Variants in PROCA1 observed in about 807,000 individuals in gnomAD.
The protein encoded by PROCA1 is protein PROCA1.
In PROCA1, 22 loss-of-function variants were observed where a neutral mutation model predicts 23.2. The ratio of observed to expected loss-of-function variants is 0.95; its 90% confidence interval spans 0.68 to 1.35. The LOEUF (loss-of-function observed/expected upper bound fraction) is 1.35. Among genes scored for constraint, PROCA1 ranks in the 40% most tolerant of loss-of-function variants. The probability of loss-of-function intolerance (pLI) is 0.00; values close to 1 mark genes in which losing one functional copy is unlikely to be tolerated. For missense variants in PROCA1, 469 were observed against 459.8 expected, an observed-to-expected ratio of 1.02 and a Z score of -0.18; for synonymous variants, 182 against 179.2, an observed-to-expected ratio of 1.02 and a Z score of -0.12.
At chr17:28,708,743 A>C (rs1017367369) in intron 1 of PROCA1, among the ~76,000 whole-genome samples, 9 of 151,894 alleles carry the variant, frequency 5.9e-5, no homozygotes, top group African/African-American at 9.7e-5. Flanking sequence ...AAAAAAAAAA[A>C]AAACGACATT....
Position 28,710,506 on chromosome 17 carries a change from CAAAAAA to C in PROCA1, c.91+1058_91+1063del, listed in dbSNP as rs71278535. ...TGGGCGACAGAGCGAGATTCCATCT[CAAAAAA>C]AAAAAAAAAAAAAAAAAGCACACAT... On this transcript the variant is annotated intron_variant, in intron 1 of 4. Transcript: ENST00000682792. Among the ~76,000 whole-genome samples the C allele has an allele frequency of 1.7e-3, 51 of 30,746 alleles. No homozygotes were observed. The East Asian group carries it at 0.044, about 26-fold the overall frequency. 20.2% of individuals were successfully genotyped at this position (30,746 alleles called of 152,430 possible). A position where few individuals can be genotyped will look rare whatever the true frequency, so the allele number is the denominator to read the frequency against.
chr17:28,704,224 G>C lies in PROCA1; in HGVS notation c.441-12C>G. On this transcript the variant is annotated splice_polypyrimidine_tract_variant and intron_variant, in intron 4 of 4. Coordinates refer to ENST00000682792, the MANE Select transcript of PROCA1 (RefSeq NM_001366301.1). ...TGTAGCTTTTGCACCTGGGAGAAGG[G>C]ACAACGGGGGAAGTTTGACAGAGAG... 3 of 1,554,604 alleles carry C rather than the reference G, an allele frequency of 1.9e-6. No individual in the cohort carries two copies. The highest frequency in any genetic ancestry group is 2.6e-6 in the Non-Finnish European group (3 of 1,151,676).
intron 1 of PROCA1, among the ~76,000 whole-genome samples, chr17:28,709,791 G>GT (rs1253005112): frequency 6.6e-6 from 1 of 151,314 alleles, no homozygotes; most frequent in Non-Finnish European, 1.5e-5. Flanking sequence ...GAGGTCCGGA[G>GT]TTTGAGACCA....
At chr17:28,706,846 CAT>C (rs991680873) in intron 1 of PROCA1, 83 bp from the exon 2 acceptor site, 70 of 1,271,272 alleles carry the variant, frequency 5.5e-5, no homozygotes, top group Non-Finnish European at 6.4e-5. Flanking sequence ...AGAAACTCCA[CAT>C]GTCAGGCCCT....
At chr17:28,704,569 G>A in intron 3 of PROCA1, 134 bp from the exon 4 acceptor site, 1 of 1,552,082 alleles carries the variant, frequency 6.4e-7, no homozygotes, top group Non-Finnish European at 8.7e-7. Flanking sequence ...TCTTAGAGCA[G>A]AGCAAGGTGT....
At chr17:28,710,702 G>A (rs917830655) in intron 1 of PROCA1, among the ~76,000 whole-genome samples, 2 of 152,086 alleles carry the variant, frequency 1.3e-5, no homozygotes, top group East Asian at 1.9e-4. Flanking sequence ...AGTTCCAGAG[G>A]ACAGGAGGAG....
At chr17:28,707,375 C>A (rs1444451403) in intron 1 of PROCA1, 1 of 152,690 alleles carries the variant, frequency 6.5e-6, no homozygotes, top group Non-Finnish European at 1.5e-5. Context: ...TTCAGTGGCA[C>A]TTGGTCATCC....
rs758546210 is a variant in PROCA1, at chr17:28,704,274, C to T, written c.440+33G>A. 8 of 1,594,628 alleles carry T rather than the reference C, an allele frequency of 5.0e-6. No homozygotes were observed. In the East Asian group the frequency reaches 1.6e-4, roughly 31 times the overall value. On this transcript the variant is annotated intron_variant, in intron 4 of 4. Coordinates refer to ENST00000682792, the MANE Select transcript of PROCA1 (RefSeq NM_001366301.1). Reference sequence around the variant, plus strand: ...GTGGGGGGCAGTGCCCTGTAGAGGCCCCTTCCCCATCAGCCCACCGGGGCT... The same window carrying T: ...GTGGGGGGCAGTGCCCTGTAGAGGCTCCTTCCCCATCAGCCCACCGGGGCT...
rs1261677291 is a variant in PROCA1 at position 28,711,409 on chromosome 17, CTCCGCCCCGGCCCTAG to C, written c.91+145_91+160del. On this transcript the variant is annotated intron_variant, in intron 1 of 4. Coordinates refer to ENST00000682792, the MANE Select transcript of PROCA1 (RefSeq NM_001366301.1). ...GACGCGAGCCCGCCCCCGGCCCTAGCTCCGCCCCGGCCCTAGCTCCGCCCCGGCCCAGCACTGGGCC... is the reference window on the plus strand; with the variant it reads ...GACGCGAGCCCGCCCCCGGCCCTAGCCTCCGCCCCGGCCCAGCACTGGGCC... 14 of 515,922 alleles carry C rather than the reference CTCCGCCCCGGCCCTAG, an allele frequency of 2.7e-5. No individual in the cohort carries two copies. The African/African-American group carries it at 3.3e-4, about 12-fold the overall frequency. The allele number at this position is 515,922 out of a possible 1,614,324, so 32.0% of individuals were successfully genotyped here. A position where few individuals can be genotyped will look rare whatever the true frequency, so the allele number is the denominator to read the frequency against.
At chr17:28,710,750 G>A (rs1286198620) in intron 1 of PROCA1, 10 of 1,295,218 alleles carry the variant, frequency 7.7e-6, no homozygotes, top group African/African-American at 1.5e-5. Flanking sequence ...CCTGCAGCAG[G>A]AGTGACTGAC....
chr17:28,708,855 C>T (rs758875935), intron 1 of PROCA1, among the ~76,000 whole-genome samples: 1 of 151,764 alleles, frequency 6.6e-6, no homozygotes, highest in Non-Finnish European at 1.5e-5. Flanking sequence ...AATTAGCTGG[C>T]TTAGTGGTGC....
Position 28,704,318 on chromosome 17 carries a change from G to C in PROCA1, c.429C>G (p.Phe143Leu), listed in dbSNP as rs1255191357. 6.2e-7 allele frequency: 1 copy of C among 1,613,414 alleles called. No individual in the cohort carries two copies. Among genetic ancestry groups the C allele is most frequent in the Non-Finnish European group, 8.5e-7 (1 of 1,179,612 alleles). The change falls in exon 4 of 5, where the codon TTC (phenylalanine) becomes TTG (leucine). Residue 143 changes from phenylalanine (F) to leucine (L), a missense_variant. Phe to Leu is a conservative substitution (Grantham distance 22). Coordinates refer to ENST00000682792, the MANE Select transcript of PROCA1 (RefSeq NM_001366301.1). ...LTPEEEHVER[F>L]RYGWCKSYRP... is the part of the protein sequence containing the mutation. ...CGGGGCTCACTCACCAGCCATACCG[G>C]AATCGCTCCACATGCTCCTCCTCCG...
rs960230823 is a variant in PROCA1, at chr17:28,704,777, G to C, written c.242C>G (p.Pro81Arg). ...GTGGCGGACACAGTCAGAGGCGAAAGGGTAGATGATGTGCCCAGTGCACTG... is the reference window on the plus strand; with the variant it reads ...GTGGCGGACACAGTCAGAGGCGAAACGGTAGATGATGTGCCCAGTGCACTG... ...HKQCTGHIIYPFASDCVRHSL... is the reference protein window; with the variant it reads ...HKQCTGHIIYRFASDCVRHSL... The change falls in exon 3 of 5, where the codon CCT becomes CGT. Residue 81 changes from proline (P) to arginine (R), a missense_variant. Transcript: ENST00000682792. 1 of 1,613,894 alleles carries C rather than the reference G, an allele frequency of 6.2e-7. No homozygotes were observed. The highest frequency in any genetic ancestry group is 1.3e-5 in the African/African-American group (1 of 74,908).
chr17:28,709,305 G>A (rs1044105592), intron 1 of PROCA1, among the ~76,000 whole-genome samples: 2 of 151,908 alleles, frequency 1.3e-5, no homozygotes, highest in African/African-American at 4.8e-5. Flanking sequence ...GCCCAGGCTG[G>A]AGTGCAGTGG....
intron 1 of PROCA1, among the ~76,000 whole-genome samples, chr17:28,708,712 C>A (rs1469705965): frequency 7.7e-6 from 1 of 129,588 alleles, no homozygotes; most frequent in African/African-American, 3.0e-5. Context: ...TATAGCGAGA[C>A]CCCGTTCTCC....
chr17:28,706,859 C>T (rs1050978887), intron 1 of PROCA1, 96 bp from the exon 2 acceptor site: 48 of 1,195,040 alleles, frequency 4.0e-5, no homozygotes, highest in Non-Finnish European at 4.6e-5. Context: ...GTCAGGCCCT[C>T]GCTGCATCCT....
chr17:28,709,621 A>G (rs796527183), intron 1 of PROCA1, among the ~76,000 whole-genome samples: 8 of 151,078 alleles, frequency 5.3e-5, no homozygotes, highest in African/African-American at 1.9e-4. Flanking sequence ...CAGTGAGCTG[A>G]GAGAGCCACA....
At chr17:28,710,275 GA>G (rs1173112847) in intron 1 of PROCA1, among the ~76,000 whole-genome samples, 1 of 151,856 alleles carries the variant, frequency 6.6e-6, no homozygotes, top group Non-Finnish European at 1.5e-5. Context: ...GAGGTGGGCG[GA>G]TCACGAGGTC....
intron 1 of PROCA1, chr17:28,711,362 C>G: frequency 1.8e-6 from 1 of 571,284 alleles, no homozygotes; most frequent in Non-Finnish European, 2.9e-6. Context: ...GACCCCAGTC[C>G]TCAATCATTG....
Sources: gnomAD v4.1 joint callset for allele counts (sites outside exome capture counted in the v4.1 genomes callset) on GRCh38, gnomAD v4.1.1 for gene constraint, MANE v1.5 for transcripts, NCBI Gene and HGNC (gene_info 2026-07-23, HGNC 2026-07-21) for gene names.